PDE8B: variants seen among roughly 807,000 people sequenced by gnomAD.
PDE8B encodes high affinity cAMP-specific and IBMX-insensitive 3',5'-cyclic phosphodiesterase 8B.
A neutral mutation model predicts 101.3 loss-of-function variants in PDE8B; 26 were observed. That is an observed-to-expected ratio of 0.26 (90% CI 0.19 to 0.36). The LOEUF is 0.36. PDE8B is among the 10% of genes least tolerant of loss of function. The pLI is 1.00. For synonymous variants in PDE8B, 424 were observed against 429.3 expected (o/e 0.99, Z 0.15); for missense variants, 810 against 1,163.1 (o/e 0.70, Z 4.42).
In PDE8B at chr5:77,346,409, A is replaced by G. The variant is rs532062065; in HGVS notation, c.876+1478A>G. ...TGCACCTCCCTGTTTTGCAGTGTGC[A>G]GCTGGATTTGATTTCAGAAATGAGG... On this transcript the variant is annotated intron_variant, in intron 7 of 21. Transcript: ENST00000264917. Among the ~76,000 whole-genome samples the G allele has an allele frequency of 2.6e-5, 4 of 152,324 alleles. No homozygotes were observed. In the South Asian group the frequency reaches 6.2e-4, roughly 24 times the overall value.
intron 10 of PDE8B, among the ~76,000 whole-genome samples, chr5:77,373,636 C>G (rs1014368978): frequency 2.6e-5 from 4 of 152,092 alleles, no homozygotes; most frequent in African/African-American, 4.8e-5. Flanking sequence ...CATACTAATT[C>G]TGAGATTCAC....
At chr5:77,340,419 C>T (rs1779001900) in intron 6 of PDE8B, among the ~76,000 whole-genome samples, 1 of 152,174 alleles carries the variant, frequency 6.6e-6, no homozygotes, top group Non-Finnish European at 1.5e-5. Flanking sequence ...TAACCAGTCC[C>T]TATTGCTTTA....
At chr5:77,159,497 C>T in the PDE8B span, among the ~76,000 whole-genome samples, 43,567 of 152,072 alleles carry the variant, frequency 0.29, 7,368 homozygotes, top group Non-Finnish European at 0.37. Flanking sequence ...TTTTGGGACT[C>T]GGACTGGCTC....
At chr5:77,210,643 CG>C, upstream of PDE8B, 1 of 981,434 alleles carries the variant, frequency 1.0e-6, no homozygotes, top group South Asian at 4.6e-5. This position sits in a 1 kb window ranked among gnomAD's most constrained non-coding sequence, Gnocchi z 4.9. Context: ...GGCGCCGCGG[CG>C]GGGAGGGTGG....
At chr5:77,149,042 A>G in the PDE8B span, among the ~76,000 whole-genome samples, 2 of 152,136 alleles carry the variant, frequency 1.3e-5, no homozygotes, top group African/African-American at 2.4e-5. Context: ...CATTTTTTGC[A>G]TATGATGTGA....
At chr5:77,130,038 T>C in the PDE8B span, among the ~76,000 whole-genome samples, 12 of 152,288 alleles carry the variant, frequency 7.9e-5, no homozygotes, top group African/African-American at 2.9e-4. Context: ...GTCTGGAGCA[T>C]AGAGAAAATG....
the PDE8B span, among the ~76,000 whole-genome samples, chr5:77,177,224 A>G: frequency 1.3e-5 from 2 of 152,212 alleles, no homozygotes; most frequent in African/African-American, 2.4e-5. Context: ...AACATGAGGC[A>G]TCCAAAGACA....
At position 77,337,246 on chromosome 5, in the gene PDE8B, G is replaced by A. The variant is rs1371996219; in HGVS notation, c.728G>A (p.Ser243Asn). The A allele has an allele frequency of 1.9e-6, 3 of 1,581,198 alleles. No homozygotes were observed. The highest frequency in any genetic ancestry group is 2.6e-6 in the Non-Finnish European group (3 of 1,152,228). The change falls in exon 6 of 22, where the codon AGC becomes AAC. Residue 243 changes from serine (S) to asparagine (N), a missense_variant. Physicochemically the swap from Ser to Asn is conservative, Grantham distance 46. Around this residue, in one of 4 missense-constraint regions of PDE8B, gnomAD observed 251 missense variants for 378.8 expected, o/e 0.66. Coordinates refer to ENST00000264917, the MANE Select transcript of PDE8B (RefSeq NM_003719.5). ...TTTCAGAGATTTATGGAGAATAGCA[G>A]CATAATTGCTTGCTATAATGAACTG... ...GFNRRFMENS[S>N]IIACYNELIQ...
chr5:77,302,629 C>T (rs1211679621), intron 1 of PDE8B, among the ~76,000 whole-genome samples: 1 of 152,096 alleles, frequency 6.6e-6, no homozygotes, highest in African/African-American at 2.4e-5. Context: ...ATTTAAAAAC[C>T]CTCACCTCAT....
Position 77,319,908 on chromosome 5 carries a change from C to T in PDE8B, c.400-5631C>T, listed in dbSNP as rs1476144030. 2.6e-5 allele frequency among the ~76,000 whole-genome samples: 4 copies of T among 152,220 alleles called. No homozygotes were observed. The East Asian group carries it at 5.8e-4, about 22-fold the overall frequency. ...AAGAAGGTGGCAAGCACTGTCCAAA[C>T]TACTCTTGATAAATTTTTTTAAATA... is the stretch of plus-strand genomic sequence containing the variant. On this transcript the variant is annotated intron_variant, in intron 2 of 21. Coordinates refer to ENST00000264917, the MANE Select transcript of PDE8B (RefSeq NM_003719.5).
the PDE8B span, among the ~76,000 whole-genome samples, chr5:77,184,693 A>G: frequency 1.3e-5 from 2 of 152,152 alleles, no homozygotes; most frequent in East Asian, 1.9e-4. Context: ...TAAAAAATAG[A>G]AAGAGGCTGG....
chr5:77,098,293 T>TAAAA, the PDE8B span, among the ~76,000 whole-genome samples: 4 of 145,076 alleles, frequency 2.8e-5, no homozygotes, highest in African/African-American at 7.8e-5. Flanking sequence ...TTTTTTTTTT[T>TAAAA]AAAAAAAAAA....
chr5:77,379,182 G>A (rs575472378), intron 10 of PDE8B, among the ~76,000 whole-genome samples: 4 of 152,318 alleles, frequency 2.6e-5, no homozygotes, highest in South Asian at 2.1e-4. Context: ...CCAAGGGACA[G>A]TATAATATCT....
chr5:77,413,233 A>G lies in PDE8B; in HGVS notation c.1835A>G (p.Asn612Ser), dbSNP rs763528450. 1 of 1,613,954 alleles carries G rather than the reference A, an allele frequency of 6.2e-7. No individual in the cohort carries two copies. The highest frequency in any genetic ancestry group is 1.1e-5 in the South Asian group (1 of 91,056). ...QVIEANYHSS[N>S]AYHNSTHAAD... is the part of the protein sequence containing the mutation. ...ATCGAAGCCAACTACCACTCTTCCA[A>G]TGCCTACCACAACTCCACCCATGCT... The change falls in exon 17 of 22, where the codon AAT (asparagine) becomes AGT (serine). Residue 612 changes from asparagine (N) to serine (S), a missense_variant. Around this residue, in one of 4 missense-constraint regions of PDE8B, gnomAD observed 325 missense variants for 560.9 expected, o/e 0.58. Transcript: ENST00000264917.
At chr5:77,353,844 A>T (rs1278094179) in intron 10 of PDE8B, among the ~76,000 whole-genome samples, 2 of 152,330 alleles carry the variant, frequency 1.3e-5, no homozygotes, top group East Asian at 3.9e-4. Context: ...ATACATCTGG[A>T]TGTTATCATC....
chr5:77,206,306 C>T, upstream of PDE8B, among the ~76,000 whole-genome samples: 1 of 152,146 alleles, frequency 6.6e-6, no homozygotes, highest in East Asian at 1.9e-4. Context: ...AGACAATAAA[C>T]ATAATAGTAA....
At chr5:77,311,596 T>C (rs1408289890) in intron 1 of PDE8B, among the ~76,000 whole-genome samples, 1 of 152,222 alleles carries the variant, frequency 6.6e-6, no homozygotes, top group East Asian at 1.9e-4. Context: ...TCTTTTGAAA[T>C]TTCAGAATAA....
At chr5:77,280,763 G>A (rs953688534) in intron 1 of PDE8B, among the ~76,000 whole-genome samples, 1 of 152,164 alleles carries the variant, frequency 6.6e-6, no homozygotes, top group African/African-American at 2.4e-5. Context: ...TGGGTGTGGT[G>A]GCACATGCCT....
chr5:77,248,400 C>A (rs952839077), intron 1 of PDE8B, among the ~76,000 whole-genome samples: 1 of 152,084 alleles, frequency 6.6e-6, no homozygotes, highest in African/African-American at 2.4e-5. Context: ...GAGAGGGATA[C>A]CTTCTATCCT....
Sources: allele counts gnomAD v4.1 joint callset (sites outside exome capture counted in the v4.1 genomes callset), GRCh38; gene constraint gnomAD v4.1.1; regional missense constraint gnomAD v4.1.1; non-coding constraint Gnocchi (gnomAD v3.1); transcripts MANE v1.5; gene names NCBI Gene and HGNC (gene_info 2026-07-23, HGNC 2026-07-21).